TRPC3: variants seen among roughly 807,000 people sequenced by gnomAD.
TRPC3 encodes the protein transient receptor potential cation channel subfamily C member 3.
TRPC3 carries 54 observed loss-of-function variants against 90.9 expected under a neutral mutation model. That is an observed-to-expected ratio of 0.59 (90% CI 0.48 to 0.75). TRPC3 has a LOEUF of 0.75. Among genes scored for constraint, TRPC3 ranks in the 30% least tolerant of loss-of-function variants. The pLI is 0.00. For missense variants in TRPC3, 918 were observed against 1,194.5 expected, an observed-to-expected ratio of 0.77 and a Z score of 3.41; for synonymous variants, 424 against 450.9, an observed-to-expected ratio of 0.94 and a Z score of 0.75.
At position 121,932,143 on chromosome 4, in the gene TRPC3, C is replaced by T; in HGVS notation, c.987+128G>A. Reference sequence around the variant, plus strand: ...TTAGATGAGGTCTGAATGACGTTCTCAGTCCCTCGTGATTTCACATTCACT... The same window carrying T: ...TTAGATGAGGTCTGAATGACGTTCTTAGTCCCTCGTGATTTCACATTCACT... On this transcript the variant is annotated intron_variant, in intron 2 of 11. Coordinates refer to ENST00000379645, the MANE Select transcript of TRPC3 (RefSeq NM_001130698.2). This position sits in a 1 kb window ranked among gnomAD's most constrained non-coding sequence, Gnocchi z 7.7. The T allele has an allele frequency of 2.8e-6, 4 of 1,412,094 alleles. No homozygotes were observed. In the South Asian group the frequency reaches 5.7e-5, roughly 20 times the overall value. 87.5% of individuals were successfully genotyped at this position (1,412,094 alleles called of 1,614,324 possible).
chr4:121,921,516 C>T (rs1729509282), intron 3 of TRPC3, among the ~76,000 whole-genome samples: 1 of 105,918 alleles, frequency 9.4e-6, no homozygotes, highest in Non-Finnish European at 1.8e-5. Flanking sequence ...AGCGAGACTC[C>T]GTCTCAAAAA....
At position 121,951,392 on chromosome 4, in the gene TRPC3, C is replaced by T. The variant is rs528547311; in HGVS notation, c.215+74G>A. ...GGTCCCGGGCTCGACGTGGAGCCGC[C>T]CGGCGCGCGCCTTCCCGCCCCCCGC... On this transcript the variant is annotated intron_variant, in intron 1 of 11. Transcript: ENST00000379645. This position sits in a 1 kb window ranked among gnomAD's most constrained non-coding sequence, Gnocchi z 4.4. 11 of 1,034,470 alleles carry T rather than the reference C, an allele frequency of 1.1e-5. No homozygotes were observed. The South Asian group carries it at 3.3e-4, about 31-fold the overall frequency. The allele number at this position is 1,034,470 out of a possible 1,614,324, so 64.1% of individuals were successfully genotyped here.
At chr4:121,935,420 GTGT>G (rs1284648547) in intron 1 of TRPC3, among the ~76,000 whole-genome samples, 1 of 30,850 alleles carries the variant, frequency 3.2e-5, no homozygotes, top group African/African-American at 1.0e-4. Context: ...CATGTGTGGG[GTGT>G]GTGTGTGTGT....
intron 5 of TRPC3, among the ~76,000 whole-genome samples, chr4:121,911,210 A>G (rs1381015151): frequency 6.6e-6 from 1 of 152,200 alleles, no homozygotes; most frequent in African/African-American, 2.4e-5. Flanking sequence ...AGACACCAAG[A>G]CTCACATTGG....
At position 121,902,867 on chromosome 4, in the gene TRPC3, A is replaced by G; in HGVS notation, c.2448T>C (p.Gly816=). The change falls in exon 9 of 12, where the codon GGT becomes GGC. Residue 816 remains glycine, a synonymous_variant. Transcript: ENST00000379645. ...CGATACCTACCCTGGACTTTGAGTT[A>G]CCCATTCCCATTTCTATATCCTTCT... is the stretch of plus-strand genomic sequence containing the variant. ...RLQKDIEMGM[G]NSKSRLNLFT... 6.2e-7 allele frequency: 1 copy of G among 1,610,322 alleles called. No individual in the cohort carries two copies. Among genetic ancestry groups the G allele is most frequent in the Admixed American group, 1.7e-5 (1 of 59,294 alleles).
chr4:121,886,549 C>A (rs1288451616), intron 10 of TRPC3, among the ~76,000 whole-genome samples: 1 of 152,144 alleles, frequency 6.6e-6, no homozygotes, highest in Non-Finnish European at 1.5e-5. Context: ...CTGGTTTAAT[C>A]TATTTTTGGA....
rs201280903 is a variant in TRPC3, at chr4:121,910,424, T to G, written c.1559-37A>C. On this transcript the variant is annotated intron_variant, in intron 5 of 11. Transcript: ENST00000379645. ...AATACAGAGGGTGCAGGTCAGATTT[T>G]ACAGGCCAGACTGAGAAGCCATTAT... The G allele has an allele frequency of 1.5e-4, 241 of 1,556,890 alleles. 2 individuals carry two copies. The South Asian group carries it at 2.7e-3, about 17-fold the overall frequency.
At chr4:121,903,679 T>C (rs1458342006) in intron 8 of TRPC3, among the ~76,000 whole-genome samples, 1 of 152,110 alleles carries the variant, frequency 6.6e-6, no homozygotes, top group Non-Finnish European at 1.5e-5. Flanking sequence ...GGGGTCCTTA[T>C]GAGGAGGAAG....
intron 3 of TRPC3, among the ~76,000 whole-genome samples, chr4:121,921,458 C>T (rs1159896498): frequency 7.5e-6 from 1 of 133,878 alleles, no homozygotes; most frequent in Non-Finnish European, 1.5e-5. Flanking sequence ...GGAGGCGGAG[C>T]TTGCAGTGAG....
chr4:121,942,567 T>C (rs1334487078), intron 1 of TRPC3, among the ~76,000 whole-genome samples: 4 of 152,180 alleles, frequency 2.6e-5, no homozygotes, highest in South Asian at 2.1e-4. Context: ...AGACCCTGTC[T>C]CAAAAAACAA....
At chr4:121,921,915 TTTTG>T (rs1325121379) in intron 3 of TRPC3, among the ~76,000 whole-genome samples, 5 of 116,628 alleles carry the variant, frequency 4.3e-5, no homozygotes, top group African/African-American at 1.5e-4. Flanking sequence ...TTGGGTTTTT[TTTTG>T]TTTTTTTTTT....
At chr4:121,909,145 T>TA (rs1358029491) in intron 6 of TRPC3, among the ~76,000 whole-genome samples, 1 of 152,134 alleles carries the variant, frequency 6.6e-6, no homozygotes, top group Non-Finnish European at 1.5e-5. Flanking sequence ...ATTCTTTAAT[T>TA]ACAAATGGTG....
At position 121,882,966 on chromosome 4, in the gene TRPC3, A is replaced by G. The variant is rs144713250; in HGVS notation, c.2548-537T>C. Among the ~76,000 whole-genome samples the G allele has an allele frequency of 5.4e-3, 824 of 152,170 alleles. 5 individuals are homozygous for G. Among genetic ancestry groups the G allele is most frequent in the African/African-American group, 0.019 (786 of 41,544 alleles). On this transcript the variant is annotated intron_variant, in intron 10 of 11. Coordinates refer to ENST00000379645, the MANE Select transcript of TRPC3 (RefSeq NM_001130698.2). The stretch of plus-strand genomic sequence containing the variant: ...TGTATATATACTAATTACTGTAAGT[A>G]TTATATTTTATGTTTTCTAAATGCC...
At chr4:121,933,639 A>G (rs1730032138) in intron 1 of TRPC3, among the ~76,000 whole-genome samples, 1 of 151,996 alleles carries the variant, frequency 6.6e-6, no homozygotes, top group Non-Finnish European at 1.5e-5. Flanking sequence ...ACTTTTTTAG[A>G]GACAGGGTCT....
chr4:121,952,059 T>C lies in TRPC3; in HGVS notation c.-379A>G, dbSNP rs1308925862. ...TCACTTGCTAGGACAGCATCGTTACTCAGGGAGAAGGAGAGGGAGGGCGGG... is the reference window on the plus strand; with the variant it reads ...TCACTTGCTAGGACAGCATCGTTACCCAGGGAGAAGGAGAGGGAGGGCGGG... On this transcript the variant is annotated 5_prime_UTR_variant, in exon 1 of 12. Transcript: ENST00000379645. Among the ~76,000 whole-genome samples the C allele has an allele frequency of 1.6e-5, 2 of 123,942 alleles. No homozygotes were observed. The highest frequency in any genetic ancestry group is 3.1e-5 in the African/African-American group (1 of 32,502). The allele number at this position is 123,942 out of a possible 152,430, so 81.3% of individuals were successfully genotyped here. A position where few individuals can be genotyped will look rare whatever the true frequency, so the allele number is the denominator to read the frequency against.
chr4:121,931,462 T>G (rs143715688), intron 2 of TRPC3, among the ~76,000 whole-genome samples: 1 of 152,186 alleles, frequency 6.6e-6, no homozygotes, highest in African/African-American at 2.4e-5. Context: ...TAGCAACTGA[T>G]TAAAAAATAA....
At chr4:121,898,505 T>C (rs907089214) in intron 10 of TRPC3, among the ~76,000 whole-genome samples, 1 of 152,180 alleles carries the variant, frequency 6.6e-6, no homozygotes, top group Non-Finnish European at 1.5e-5. Context: ...TGGAACACTT[T>C]CACCCTGAAA....
chr4:121,911,870 G>T lies in TRPC3; in HGVS notation c.1558+7C>A. The T allele has an allele frequency of 6.2e-7, 1 of 1,604,366 alleles. No homozygotes were observed. The highest frequency in any genetic ancestry group is 1.1e-5 in the South Asian group (1 of 89,034). On this transcript the variant is annotated splice_region_variant and intron_variant, in intron 5 of 11. Transcript: ENST00000379645. ...AGAAATTAGGATATTTAAAATAAAAGACTTACCAAGAACCCAGACCATAAT... is the reference window on the plus strand; with the variant it reads ...AGAAATTAGGATATTTAAAATAAAATACTTACCAAGAACCCAGACCATAAT...
At chr4:121,896,869 A>G (rs1004459388) in intron 10 of TRPC3, among the ~76,000 whole-genome samples, 6 of 152,084 alleles carry the variant, frequency 3.9e-5, no homozygotes, top group African/African-American at 1.4e-4. Flanking sequence ...ATCTGGAAGT[A>G]TCACACAATC....
Sources: allele counts gnomAD v4.1 joint callset (sites outside exome capture counted in the v4.1 genomes callset), GRCh38; gene constraint gnomAD v4.1.1; non-coding constraint Gnocchi (gnomAD v3.1); transcripts MANE v1.5; gene names NCBI Gene and HGNC (gene_info 2026-07-23, HGNC 2026-07-21).